Variants in NETO1 observed in about 807,000 individuals in gnomAD.
The protein encoded by NETO1 is neuropilin and tolloid like 1.
NETO1 carries 26 observed loss-of-function variants against 61.3 expected under a neutral mutation model. The observed-to-expected ratio is 0.42, with a 90% CI of 0.31 to 0.59. The LOEUF (loss-of-function observed/expected upper bound fraction) is 0.59. Ranked by LOEUF, NETO1 falls within the 20% of genes least tolerant of loss-of-function variation. The pLI is 0.12. For synonymous variants in NETO1, 225 were observed against 225.8 expected (o/e 1.00, Z 0.03); for missense variants, 531 against 662.8 (o/e 0.80, Z 2.18).
chr18:72,826,071 T>C (rs1328587025), intron 4 of NETO1, among the ~76,000 whole-genome samples: 1 of 152,194 alleles, frequency 6.6e-6, no homozygotes. Context: ...CTTGTATTAG[T>C]GTAAAACAAT....
rs750897272 is a variant in NETO1, at chr18:72,750,395, G to T, written c.1208C>A (p.Ala403Asp). The change falls in exon 9 of 11, where the codon GCT becomes GAT. Residue 403 changes from alanine to aspartate, a missense_variant. Transcript: ENST00000327305. The stretch of plus-strand genomic sequence containing the variant: ...TGCCACATCTGCAAAGTCAGCTGTA[G>T]CTCCTGTCCCTCTGAGAGTGCATAA... ...YELCTLRGTG[A>D]TADFADVADD... The T allele has an allele frequency of 1.2e-6, 2 of 1,614,154 alleles. No homozygotes were observed. Among genetic ancestry groups the T allele is most frequent in the Non-Finnish European group, 1.7e-6 (2 of 1,180,012 alleles).
intron 4 of NETO1, among the ~76,000 whole-genome samples, chr18:72,808,742 A>G (rs1472086415): frequency 6.6e-6 from 1 of 152,210 alleles, no homozygotes; most frequent in Non-Finnish European, 1.5e-5. Context: ...AATTTGATGA[A>G]TATTAGACCC....
intron 4 of NETO1, among the ~76,000 whole-genome samples, chr18:72,855,050 T>C (rs539489326): frequency 4.6e-5 from 7 of 152,258 alleles, no homozygotes; most frequent in African/African-American, 7.2e-5. Flanking sequence ...GAAAACAATA[T>C]AATTCTAATA....
intron 4 of NETO1, chr18:72,834,139 G>T: frequency 1.2e-6 from 1 of 834,432 alleles, no homozygotes; most frequent in African/African-American, 1.8e-5. Flanking sequence ...TTAGAGCTTC[G>T]GACAATATTT....
chr18:72,823,621 C>T (rs1415042818), intron 4 of NETO1, among the ~76,000 whole-genome samples: 1 of 152,030 alleles, frequency 6.6e-6, no homozygotes, highest in Non-Finnish European at 1.5e-5. Context: ...TGGTGAAGAG[C>T]CAGGGTCAGA....
chr18:72,807,755 C>CACACACACA (rs749448020), intron 4 of NETO1, among the ~76,000 whole-genome samples: 2 of 42,364 alleles, frequency 4.7e-5, no homozygotes, highest in South Asian at 1.4e-3. Flanking sequence ...CACACACACA[C>CACACACACA]CCATACTGTC....
intron 4 of NETO1, among the ~76,000 whole-genome samples, chr18:72,844,369 T>C (rs371407312): frequency 6.6e-6 from 1 of 152,204 alleles, no homozygotes; most frequent in Non-Finnish European, 1.5e-5. Context: ...TGCTCAATCA[T>C]CCACATTCTG....
intron 4 of NETO1, among the ~76,000 whole-genome samples, chr18:72,805,409 C>G (rs1271272766): frequency 6.6e-6 from 1 of 152,122 alleles, no homozygotes; most frequent in Non-Finnish European, 1.5e-5. Context: ...TCTGGTTTCT[C>G]ATTTTAATTC....
intron 6 of NETO1, among the ~76,000 whole-genome samples, chr18:72,787,928 A>G (rs2071977431): frequency 6.6e-6 from 1 of 152,298 alleles, no homozygotes; most frequent in Admixed American, 6.5e-5. Flanking sequence ...CACTTCTTCT[A>G]ATGAGCTAGA....
chr18:72,795,922 T>G (rs2072295354), intron 4 of NETO1, among the ~76,000 whole-genome samples: 1 of 152,210 alleles, frequency 6.6e-6, no homozygotes, highest in African/African-American at 2.4e-5. Context: ...CTTGCCACTT[T>G]GAGTTGAGGT....
At chr18:72,821,381 AAAAC>A (rs1185884622) in intron 4 of NETO1, among the ~76,000 whole-genome samples, 5 of 149,450 alleles carry the variant, frequency 3.3e-5, no homozygotes, top group African/African-American at 5.0e-5. Context: ...CATCTCTACT[AAAAC>A]AAACAAACAA....
In NETO1 at chr18:72,805,282, A is replaced by G. The variant is rs1179785816; in HGVS notation, c.470-10878T>C. Among the ~76,000 whole-genome samples, 3 of 152,180 alleles carry G rather than the reference A, an allele frequency of 2.0e-5. No homozygotes were observed. In the East Asian group the frequency reaches 5.8e-4, roughly 29 times the overall value. On this transcript the variant is annotated intron_variant, in intron 4 of 10. Transcript: ENST00000327305. ...CACTATAATCTTCAAGAATTTTCCTATAATACAAACTAAAATACAAATGAA... is the reference window on the plus strand; with the variant it reads ...CACTATAATCTTCAAGAATTTTCCTGTAATACAAACTAAAATACAAATGAA...
At chr18:72,809,961 T>C (rs980972205) in intron 4 of NETO1, among the ~76,000 whole-genome samples, 1 of 152,172 alleles carries the variant, frequency 6.6e-6, no homozygotes, top group Non-Finnish European at 1.5e-5. Flanking sequence ...AGCTCGAAAA[T>C]AATACCTTCA....
chr18:72,863,166 G>C (rs2074631125), intron 3 of NETO1, among the ~76,000 whole-genome samples: 1 of 152,104 alleles, frequency 6.6e-6, no homozygotes, highest in Non-Finnish European at 1.5e-5. Context: ...GGAATACCAG[G>C]TACCTCTTTG....
chr18:72,857,242 C>T (rs75905856), intron 4 of NETO1, among the ~76,000 whole-genome samples: 202 of 152,300 alleles, frequency 1.3e-3, no homozygotes, highest in African/African-American at 4.6e-3. Context: ...CCAAGAGTTC[C>T]GTTCTGATTC....
chr18:72,865,180 A>C lies in NETO1; in HGVS notation c.82+8T>G. On this transcript the variant is annotated splice_region_variant and intron_variant, in intron 2 of 10. Transcript: ENST00000327305. The stretch of plus-strand genomic sequence containing the variant: ...GTCTTCCACTAGCATTTTTCTAAGT[A>C]AACACACCTGTTCCTTTCTTGGTTG... 1 of 1,611,834 alleles carries C rather than the reference A, an allele frequency of 6.2e-7. No individual in the cohort carries two copies. The highest frequency in any genetic ancestry group is 1.3e-5 in the African/African-American group (1 of 74,972).
chr18:72,808,405 G>C (rs1326565193), intron 4 of NETO1, among the ~76,000 whole-genome samples: 1 of 143,490 alleles, frequency 7.0e-6, no homozygotes, highest in African/African-American at 2.6e-5. Context: ...GGAAGCAGTG[G>C]TGGCACTGCA....
chr18:72,864,604 T>G (rs1384543921), intron 3 of NETO1, among the ~76,000 whole-genome samples: 1 of 152,252 alleles, frequency 6.6e-6, no homozygotes, highest in Non-Finnish European at 1.5e-5. Flanking sequence ...GCACAGAATT[T>G]GCTTGTTCAT....
chr18:72,772,844 T>TATATA (rs2071420833), intron 7 of NETO1, among the ~76,000 whole-genome samples: 1 of 37,284 alleles, frequency 2.7e-5, no homozygotes, highest in Non-Finnish European at 4.9e-5. Context: ...TATATATATA[T>TATATA]ATATATATAT....
Sources: allele counts gnomAD v4.1 joint callset (sites outside exome capture counted in the v4.1 genomes callset), GRCh38; gene constraint gnomAD v4.1.1; transcripts MANE v1.5; gene names NCBI Gene and HGNC (gene_info 2026-07-23, HGNC 2026-07-21).